JMJD1C: variants seen among roughly 807,000 people sequenced by gnomAD.
JMJD1C encodes jumonji domain-containing protein 1C.
Under a neutral mutation model 245.3 loss-of-function variants are expected in JMJD1C, and 31 were observed. The observed-to-expected ratio is 0.13, with a 90% CI of 0.09 to 0.17. The LOEUF is 0.17. JMJD1C is among the 10% of genes least tolerant of loss of function. The probability of loss-of-function intolerance (pLI) is 1.00; values close to 1 mark genes in which losing one functional copy is unlikely to be tolerated. For missense variants in JMJD1C, 2,691 were observed against 3,000.2 expected (o/e 0.90, Z 2.41); for synonymous variants, 1,057 against 1,017.4 (o/e 1.04, Z -0.74).
At chr10:63,302,730 T>C (rs1860250856) in intron 2 of JMJD1C, among the ~76,000 whole-genome samples, 1 of 152,224 alleles carries the variant, frequency 6.6e-6, no homozygotes, top group Non-Finnish European at 1.5e-5. Context: ...GTGAAAGCTC[T>C]AGCACAAGCT....
At chr10:63,171,137 T>G (rs1174248370) in intron 24 of JMJD1C, among the ~76,000 whole-genome samples, 1 of 152,058 alleles carries the variant, frequency 6.6e-6, no homozygotes, top group Non-Finnish European at 1.5e-5. Context: ...ACAATCAAAG[T>G]TAGTATTTTT....
intron 20 of JMJD1C, 33 bp from the exon 21 acceptor site, chr10:63,184,771 A>AAG: frequency 6.3e-7 from 1 of 1,577,206 alleles, no homozygotes; most frequent in Non-Finnish European, 8.6e-7. Flanking sequence ...TCTTATAAAT[A>AAG]AAGATTTGCA....
intron 1 of JMJD1C, among the ~76,000 whole-genome samples, chr10:63,455,398 A>T (rs1164859186): frequency 6.6e-6 from 1 of 152,232 alleles, no homozygotes; most frequent in Non-Finnish European, 1.5e-5. Context: ...AAAGGTTGAC[A>T]ATCATGAACT....
chr10:63,294,085 G>C (rs2133955432), intron 2 of JMJD1C, among the ~76,000 whole-genome samples: 1 of 152,046 alleles, frequency 6.6e-6, no homozygotes, highest in South Asian at 2.1e-4. Context: ...ACTACATTTT[G>C]CAAGATATCC....
chr10:63,425,537 T>A (rs991825764), intron 1 of JMJD1C, among the ~76,000 whole-genome samples: 1 of 152,108 alleles, frequency 6.6e-6, no homozygotes, highest in Non-Finnish European at 1.5e-5. Context: ...ATCCCAGGAC[T>A]TTGGGAGGCC....
intron 1 of JMJD1C, among the ~76,000 whole-genome samples, chr10:63,484,479 C>A (rs1172140639): frequency 6.6e-6 from 1 of 152,058 alleles, no homozygotes; most frequent in Admixed American, 6.6e-5. Context: ...TACCCTCCCA[C>A]TTCAGAGCAA....
At chr10:63,294,161 G>C (rs968252832) in intron 2 of JMJD1C, among the ~76,000 whole-genome samples, 3 of 151,996 alleles carry the variant, frequency 2.0e-5, no homozygotes, top group Non-Finnish European at 4.4e-5. Flanking sequence ...CAGATTCATA[G>C]TTCACTATGG....
chr10:63,492,539 T>A (rs1203539210), intron 1 of JMJD1C, among the ~76,000 whole-genome samples: 1 of 151,874 alleles, frequency 6.6e-6, no homozygotes, highest in South Asian at 2.1e-4. Flanking sequence ...GGTGGCGTGG[T>A]GGCGTGGGCC....
Position 63,177,783 on chromosome 10 carries a change from T to A in JMJD1C, c.7158A>T (p.Ile2386=). 2.5e-6 allele frequency: 4 copies of A among 1,613,862 alleles called. No individual in the cohort carries two copies. Among genetic ancestry groups the A allele is most frequent in the Non-Finnish European group, 3.4e-6 (4 of 1,179,750 alleles). ...CATAAATATGCCACAGAGCACCAGG[T>A]ATTTCACTTGAGTCCTTCAATCTTT... ...LRKRLKDSSE[I]PGALWHIYAG... Residue 2386 remains isoleucine, a synonymous_variant, in exon 23 of 26, where the codon ATA becomes ATT. Coordinates refer to ENST00000399262, the MANE Select transcript of JMJD1C (RefSeq NM_032776.3).
chr10:63,506,838 G>A (rs935640662), intron 1 of JMJD1C, among the ~76,000 whole-genome samples: 1 of 152,096 alleles, frequency 6.6e-6, no homozygotes, highest in Non-Finnish European at 1.5e-5. Context: ...TACCATCTTT[G>A]ACATATGTAT....
At chr10:63,461,443 GAAACTT>G (rs1952793485) in intron 1 of JMJD1C, among the ~76,000 whole-genome samples, 1 of 152,058 alleles carries the variant, frequency 6.6e-6, no homozygotes, top group African/African-American at 2.4e-5. Context: ...AACTAAATAA[GAAACTT>G]AAATGAGAAA....
intron 1 of JMJD1C, among the ~76,000 whole-genome samples, chr10:63,454,847 A>G (rs945683890): frequency 2.0e-5 from 3 of 152,224 alleles, no homozygotes; most frequent in African/African-American, 7.2e-5. Context: ...GTAGTTTCAC[A>G]TGTTCCTCTA....
At chr10:63,331,824 T>C (rs1036831144) in intron 2 of JMJD1C, among the ~76,000 whole-genome samples, 3 of 152,180 alleles carry the variant, frequency 2.0e-5, no homozygotes, top group African/African-American at 7.2e-5. Flanking sequence ...TTCGCCATAC[T>C]GGCCGGCCTG....
intron 1 of JMJD1C, among the ~76,000 whole-genome samples, chr10:63,395,960 A>G (rs550835299): frequency 6.6e-6 from 1 of 152,278 alleles, no homozygotes; most frequent in East Asian, 1.9e-4. Context: ...AATGGTAGCA[A>G]AAGTAATTTT....
chr10:63,247,298 A>G (rs1413337811), intron 3 of JMJD1C, among the ~76,000 whole-genome samples: 5 of 152,148 alleles, frequency 3.3e-5, no homozygotes, highest in Non-Finnish European at 5.9e-5. Context: ...GACTCATTAG[A>G]GACTACTATC....
chr10:63,226,379 T>C (rs1204976095), intron 3 of JMJD1C, among the ~76,000 whole-genome samples: 4 of 152,046 alleles, frequency 2.6e-5, no homozygotes, highest in Admixed American at 1.3e-4. Context: ...GAATGACTGC[T>C]TGGATGATCA....
chr10:63,177,691 G>C (rs1426536491), intron 23 of JMJD1C, 26 bp downstream of exon 23: 1 of 1,611,504 alleles, frequency 6.2e-7, no homozygotes, highest in Non-Finnish European at 8.5e-7. Flanking sequence ...GAGGGGAAGA[G>C]ATATTATTTG....
At chr10:63,411,905 ATTT>A (rs1174450794) in intron 1 of JMJD1C, among the ~76,000 whole-genome samples, 9 of 126,166 alleles carry the variant, frequency 7.1e-5, no homozygotes, top group South Asian at 2.6e-4. Flanking sequence ...GCCTGGCCCA[ATTT>A]TTTTTTTTTT....
At chr10:63,306,697 C>G (rs1938292034) in intron 2 of JMJD1C, among the ~76,000 whole-genome samples, 2 of 152,146 alleles carry the variant, frequency 1.3e-5, no homozygotes, top group African/African-American at 4.8e-5. Context: ...CACTACTGAG[C>G]CTGTAGGAAA....
Sources: gnomAD v4.1 joint callset for allele counts (sites outside exome capture counted in the v4.1 genomes callset) on GRCh38, gnomAD v4.1.1 for gene constraint, MANE v1.5 for transcripts, NCBI Gene and HGNC (gene_info 2026-07-23, HGNC 2026-07-21) for gene names.